The following MTFR2 variants were observed in gnomAD, a reference collection of about 807,000 sequenced individuals.
MTFR2 encodes mitochondrial fission regulator 2.
MTFR2 carries 44 observed loss-of-function variants against 41.2 expected under a neutral mutation model. The ratio of observed to expected loss-of-function variants is 1.07; its 90% confidence interval spans 0.84 to 1.37. The LOEUF is 1.37. Ranked by LOEUF, MTFR2 falls within the 40% of genes most tolerant of loss-of-function variation. The probability of loss-of-function intolerance (pLI) is 0.00; values close to 1 mark genes in which losing one functional copy is unlikely to be tolerated. For synonymous variants in MTFR2, 141 were observed against 154.6 expected, an observed-to-expected ratio of 0.91 and a Z score of 0.65; for missense variants, 452 against 459.5, an observed-to-expected ratio of 0.98 and a Z score of 0.15.
At chr6:136,242,710 G>T in intron 4 of MTFR2, 151 bp downstream of exon 4, 1 of 527,234 alleles carries the variant, frequency 1.9e-6, no homozygotes, top group Non-Finnish European at 3.2e-6. Context: ...AAAATGAAAA[G>T]CAGCCAGTCT....
At chr6:136,242,024 G>A (rs1780089282) in intron 4 of MTFR2, among the ~76,000 whole-genome samples, 1 of 138,724 alleles carries the variant, frequency 7.2e-6, no homozygotes, top group Admixed American at 7.8e-5. Context: ...AGGTTGTGGT[G>A]AGCCAAGATC....
chr6:136,244,203 A>G (rs966179135), intron 3 of MTFR2, among the ~76,000 whole-genome samples: 3 of 152,228 alleles, frequency 2.0e-5, no homozygotes, highest in African/African-American at 7.2e-5. Flanking sequence ...ACAGTAGTGT[A>G]CAGTAATGTC....
Position 136,231,198 on chromosome 6 carries a change from G to A in MTFR2, c.*77C>T, listed in dbSNP as rs1221415567. Reference sequence around the variant, plus strand: ...ATACATCTACTTTTAGCCTTTAACAGTCCAAATCAGTTTCTAAGAATAATT... The same window carrying A: ...ATACATCTACTTTTAGCCTTTAACAATCCAAATCAGTTTCTAAGAATAATT... On this transcript the variant is annotated 3_prime_UTR_variant, in exon 8 of 8. Transcript: ENST00000420702. 6 of 978,610 alleles carry A rather than the reference G, an allele frequency of 6.1e-6. No homozygotes were observed. The East Asian group carries it at 1.5e-4, about 25-fold the overall frequency. The allele number at this position is 978,610 out of a possible 1,614,324, so 60.6% of individuals were successfully genotyped here.
Position 136,241,695 on chromosome 6 carries a change from A to G in MTFR2, c.282-19T>C, listed in dbSNP as rs1437213124. On this transcript the variant is annotated intron_variant, in intron 4 of 7. Coordinates refer to ENST00000420702, the MANE Select transcript of MTFR2 (RefSeq NM_001099286.3). ...ACTATTTCTGTGGGTGAAAAAAAAT[A>G]GGAAATGGAGGGAAGATATATTTCC... The G allele has an allele frequency of 1.9e-6, 3 of 1,551,430 alleles. No homozygotes were observed. The African/African-American group carries it at 4.1e-5, about 21-fold the overall frequency.
At chr6:136,247,671 C>G (rs1398326351) in intron 2 of MTFR2, 1 of 401,654 alleles carries the variant, frequency 2.5e-6, no homozygotes, top group Non-Finnish European at 4.9e-6. Flanking sequence ...TCCCACCTCC[C>G]TTCCTGATAT....
At chr6:136,235,278 G>A (rs1399796849) in intron 6 of MTFR2, among the ~76,000 whole-genome samples, 19 of 152,260 alleles carry the variant, frequency 1.2e-4, no homozygotes, top group East Asian at 1.9e-4. Flanking sequence ...TCAAGGTGGC[G>A]GAAAAGAACA....
At chr6:136,242,079 C>CAAAA (rs548176168) in intron 4 of MTFR2, among the ~76,000 whole-genome samples, 7 of 17,496 alleles carry the variant, frequency 4.0e-4, no homozygotes, top group Non-Finnish European at 7.4e-4. Flanking sequence ...GACTCTGTCT[C>CAAAA]AAAAAAAAAA....
chr6:136,245,470 C>A (rs1016100431), intron 2 of MTFR2, among the ~76,000 whole-genome samples: 3 of 152,172 alleles, frequency 2.0e-5, no homozygotes, highest in African/African-American at 4.8e-5. Context: ...TTAGTGTGGG[C>A]TTCCCAAATT....
chr6:136,239,624 AC>A lies in MTFR2; in HGVS notation c.710del (p.Cys237LeufsTer10), dbSNP rs773326453. 3 of 1,614,076 alleles carry A rather than the reference AC, an allele frequency of 1.9e-6. No homozygotes were observed. The highest frequency in any genetic ancestry group is 2.5e-6 in the Non-Finnish European group (3 of 1,180,022). ...PPVQPGSNNICDSDNPATEMS... is the reference protein window; with the variant it reads ...PPVQPGSNNIXDSDNPATEMS... ...TTTCAGTTGCTGGATTATCTGAGTC[AC>A]AAATATTATTAGATCCTGGTTGTAC... On this transcript the variant is annotated frameshift_variant, in exon 6 of 8. Coordinates refer to ENST00000420702, the MANE Select transcript of MTFR2 (RefSeq NM_001099286.3). LOFTEE classifies it high-confidence loss of function.
rs374982682 is a variant in MTFR2 at position 136,239,473 on chromosome 6, T to C, written c.862A>G (p.Ile288Val). The C allele has an allele frequency of 1.7e-5, 27 of 1,594,150 alleles. No individual in the cohort carries two copies. The highest frequency in any genetic ancestry group is 9.4e-5 in the African/African-American group (7 of 74,360). ...KDMNKVKLRA[I>V]ERSPGGRPIH... Reference sequence around the variant, plus strand: ...CAAATTACAACAACATACCGCTCAATTGCACGAAGCTTAACCTTATTCATA... The same window carrying C: ...CAAATTACAACAACATACCGCTCAACTGCACGAAGCTTAACCTTATTCATA... The change falls in exon 6 of 8, where the codon ATT (isoleucine) becomes GTT (valine). Residue 288 changes from isoleucine (I) to valine (V), a missense_variant. Ile to Val is a conservative substitution (Grantham distance 29). Coordinates refer to ENST00000420702, the MANE Select transcript of MTFR2 (RefSeq NM_001099286.3).
At chr6:136,234,113 C>A (rs1233249185) in intron 6 of MTFR2, among the ~76,000 whole-genome samples, 1 of 151,898 alleles carries the variant, frequency 6.6e-6, no homozygotes, top group Admixed American at 6.6e-5. Context: ...GGGAGGACTG[C>A]CTGAGCCCAG....
In MTFR2 at chr6:136,239,669, C is replaced by T; in HGVS notation, c.666G>A (p.Gln222=). 1 of 1,613,828 alleles carries T rather than the reference C, an allele frequency of 6.2e-7. No individual in the cohort carries two copies. Among genetic ancestry groups the T allele is most frequent in the Non-Finnish European group, 8.5e-7 (1 of 1,179,968 alleles). The change falls in exon 6 of 8, where the codon CAG becomes CAA. Residue 222 remains glutamine, a synonymous_variant. Coordinates refer to ENST00000420702, the MANE Select transcript of MTFR2 (RefSeq NM_001099286.3). ...PPLPPQFSSL[Q]PPCFPPVQPG... is the part of the protein sequence containing the mutation. ...GTTGTACGGGAGGAAAACACGGTGG[C>T]TGGAGAGATGAAAACTGAGGAGGAA... is the stretch of plus-strand genomic sequence containing the variant.
At chr6:136,239,843 C>T (rs765725195) in intron 5 of MTFR2, 23 bp from the exon 6 acceptor site, 5 of 1,557,644 alleles carry the variant, frequency 3.2e-6, no homozygotes, top group Non-Finnish European at 4.4e-6. Context: ...TGGTTTATTA[C>T]AAAATCATGC....
intron 3 of MTFR2, among the ~76,000 whole-genome samples, chr6:136,243,714 TAAA>T (rs71661846): frequency 1.5e-5 from 2 of 135,734 alleles, no homozygotes. Flanking sequence ...GACCTTATCT[TAAA>T]AAAAAAAAAA....
At chr6:136,244,169 A>T (rs140636564) in intron 3 of MTFR2, among the ~76,000 whole-genome samples, 1 of 152,170 alleles carries the variant, frequency 6.6e-6, no homozygotes, top group Non-Finnish European at 1.5e-5. Flanking sequence ...AGTGTAGCCT[A>T]AGTGTACAGT....
chr6:136,238,901 T>C (rs1779975554), intron 6 of MTFR2, among the ~76,000 whole-genome samples: 1 of 152,008 alleles, frequency 6.6e-6, no homozygotes, highest in Non-Finnish European at 1.5e-5. Flanking sequence ...ACCCCATCTC[T>C]ACAAAAAAAT....
rs1046722803 is a variant in MTFR2, at chr6:136,232,467, C to T, written c.1044+858G>A. Reference sequence around the variant, plus strand: ...AGAGACGAGGTTTCACCGTGTTGGTCAGGCTGGTCTCGAACTCCTGACCTC... The same window carrying T: ...AGAGACGAGGTTTCACCGTGTTGGTTAGGCTGGTCTCGAACTCCTGACCTC... On this transcript the variant is annotated intron_variant, in intron 7 of 7. Transcript: ENST00000420702. 2.6e-5 allele frequency among the ~76,000 whole-genome samples: 4 copies of T among 152,274 alleles called. No homozygotes were observed. The South Asian group carries it at 8.3e-4, about 32-fold the overall frequency.
At chr6:136,234,365 G>C (rs1185412021) in intron 6 of MTFR2, among the ~76,000 whole-genome samples, 1 of 151,236 alleles carries the variant, frequency 6.6e-6, no homozygotes, top group East Asian at 1.9e-4. Context: ...ATAGTGATTA[G>C]GGACAGAAGC....
At position 136,249,021 on chromosome 6, in the gene MTFR2, C is replaced by G. The variant is rs768263554; in HGVS notation, c.63+16G>C. 6.3e-7 allele frequency: 1 copy of G among 1,596,320 alleles called. No homozygotes were observed. Among genetic ancestry groups the G allele is most frequent in the South Asian group, 1.1e-5 (1 of 87,686 alleles). ...ACAAATACAACAGATCCATTCCAATCCAAAACGACATTTACCTGTTCTACA... is the reference window on the plus strand; with the variant it reads ...ACAAATACAACAGATCCATTCCAATGCAAAACGACATTTACCTGTTCTACA... On this transcript the variant is annotated intron_variant, in intron 2 of 7. Coordinates refer to ENST00000420702, the MANE Select transcript of MTFR2 (RefSeq NM_001099286.3).
Sources: gnomAD v4.1 joint callset for allele counts (sites outside exome capture counted in the v4.1 genomes callset) on GRCh38, gnomAD v4.1.1 for gene constraint, MANE v1.5 for transcripts, NCBI Gene and HGNC (gene_info 2026-07-23, HGNC 2026-07-21) for gene names.